Variants in PDE10A observed in about 807,000 individuals in gnomAD.
PDE10A encodes cAMP and cAMP-inhibited cGMP 3',5'-cyclic phosphodiesterase 10A.
Under a neutral mutation model 97.7 loss-of-function variants are expected in PDE10A, and 39 were observed. That is an observed-to-expected ratio of 0.40 (90% CI 0.31 to 0.52). The LOEUF is 0.52. Ranked by LOEUF, PDE10A falls within the 20% of genes least tolerant of loss-of-function variation. PDE10A has a pLI of 0.56. For synonymous variants in PDE10A, 371 were observed against 376.8 expected (o/e 0.98, Z 0.18); for missense variants, 731 against 1,047.8 (o/e 0.70, Z 4.17).
intron 1 of PDE10A, among the ~76,000 whole-genome samples, chr6:165,805,337 C>T (rs868578403): frequency 6.6e-6 from 1 of 152,094 alleles, no homozygotes; most frequent in African/African-American, 2.4e-5. Flanking sequence ...AGATCCGGGG[C>T]GTCACTTCTC....
At chr6:165,898,835 C>A (rs903313651) in intron 1 of PDE10A, among the ~76,000 whole-genome samples, 9 of 152,192 alleles carry the variant, frequency 5.9e-5, no homozygotes, top group African/African-American at 1.9e-4. Flanking sequence ...GCACTGCCTT[C>A]CTCACTCGGC....
At chr6:165,440,663 T>C (rs1341937063) in intron 5 of PDE10A, among the ~76,000 whole-genome samples, 1 of 152,134 alleles carries the variant, frequency 6.6e-6, no homozygotes, top group East Asian at 1.9e-4. Context: ...TTTGGAAGTG[T>C]CTCTTTTAGC....
At chr6:165,767,701 A>AT (rs1196817930) in intron 1 of PDE10A, among the ~76,000 whole-genome samples, 1 of 152,042 alleles carries the variant, frequency 6.6e-6, no homozygotes. Flanking sequence ...AGACATTTGG[A>AT]TTTTTTTCCA....
intron 1 of PDE10A, among the ~76,000 whole-genome samples, chr6:165,974,815 T>C (rs1784800945): frequency 6.6e-6 from 1 of 152,202 alleles, no homozygotes; most frequent in Non-Finnish European, 1.5e-5. Flanking sequence ...GTGCCACCTT[T>C]ACTCAGTGAG....
At chr6:165,673,380 GC>G (rs1174626214) in intron 1 of PDE10A, among the ~76,000 whole-genome samples, 1 of 152,204 alleles carries the variant, frequency 6.6e-6, no homozygotes, top group Non-Finnish European at 1.5e-5. Context: ...GAAAAGCATA[GC>G]CATGCAAGAT....
At chr6:165,850,249 C>G (rs1452464353) in intron 1 of PDE10A, among the ~76,000 whole-genome samples, 1 of 152,196 alleles carries the variant, frequency 6.6e-6, no homozygotes, top group East Asian at 1.9e-4. Flanking sequence ...TCAGCCCCCA[C>G]GTGCTCTTAA....
At chr6:165,635,601 T>C (rs772845956) in intron 1 of PDE10A, among the ~76,000 whole-genome samples, 60 of 152,174 alleles carry the variant, frequency 3.9e-4, no homozygotes, top group Non-Finnish European at 6.9e-4. Flanking sequence ...TCCAAAGAGA[T>C]TTGTGGCAAA....
intron 1 of PDE10A, among the ~76,000 whole-genome samples, chr6:165,794,210 T>G (rs991502261): frequency 1.5e-5 from 2 of 135,810 alleles, no homozygotes; most frequent in Non-Finnish European, 3.2e-5. Flanking sequence ...TCACACACAC[T>G]CATCACACAA....
chr6:165,752,192 C>T (rs1793021709), intron 1 of PDE10A, among the ~76,000 whole-genome samples: 1 of 150,370 alleles, frequency 6.7e-6, no homozygotes, highest in African/African-American at 2.4e-5. Context: ...TGCCTACAGC[C>T]TATACACTGC....
intron 1 of PDE10A, among the ~76,000 whole-genome samples, chr6:165,616,505 T>G (rs909167173): frequency 9.2e-5 from 14 of 152,170 alleles, no homozygotes; most frequent in Non-Finnish European, 2.9e-5. Flanking sequence ...GGAAGGGTGA[T>G]CTTTTGTGGA....
chr6:165,902,189 TG>T (rs1249477038), intron 1 of PDE10A, among the ~76,000 whole-genome samples: 61 of 152,370 alleles, frequency 4.0e-4, no homozygotes, highest in Middle Eastern at 3.4e-3. Flanking sequence ...TCGGAATCTT[TG>T]TTCAGAAAAG....
intron 1 of PDE10A, among the ~76,000 whole-genome samples, chr6:165,796,251 A>G (rs972648410): frequency 1.2e-3 from 184 of 151,070 alleles, no homozygotes; most frequent in African/African-American, 4.1e-3. Context: ...GCCCGCCACC[A>G]CGCCCAGCTA....
intron 1 of PDE10A, among the ~76,000 whole-genome samples, chr6:165,575,336 T>TTACTA (rs1350737721): frequency 6.6e-6 from 1 of 152,168 alleles, no homozygotes; most frequent in Non-Finnish European, 1.5e-5. Flanking sequence ...GACTGTTCCA[T>TTACTA]TACTACTAAG....
chr6:165,476,862 T>C (rs73247716), intron 3 of PDE10A, among the ~76,000 whole-genome samples: 1,856 of 152,256 alleles, frequency 0.012, 37 homozygotes, highest in African/African-American at 0.042. Flanking sequence ...GTAAAGTCTA[T>C]ACCCACAAAT....
intron 1 of PDE10A, among the ~76,000 whole-genome samples, chr6:165,981,283 G>A (rs1437055845): frequency 6.6e-6 from 1 of 152,068 alleles, no homozygotes; most frequent in African/African-American, 2.4e-5. Flanking sequence ...CAGTTTTTAG[G>A]TAACTTCCTC....
chr6:165,851,087 C>G (rs1235944868), intron 1 of PDE10A, among the ~76,000 whole-genome samples: 2 of 152,194 alleles, frequency 1.3e-5, no homozygotes, highest in African/African-American at 4.8e-5. Flanking sequence ...AGAAAACTTT[C>G]TGCTTACACG....
intron 1 of PDE10A, among the ~76,000 whole-genome samples, chr6:165,647,113 T>C (rs2983525): frequency 0.21 from 31,867 of 152,156 alleles, 3,749 homozygotes; most frequent in Middle Eastern, 0.39. Context: ...AAAAGAAAAC[T>C]GTGATGCATG....
chr6:165,520,016 T>G (rs755599184), intron 2 of PDE10A, among the ~76,000 whole-genome samples: 14 of 152,200 alleles, frequency 9.2e-5, no homozygotes, highest in Non-Finnish European at 1.8e-4. Flanking sequence ...TTCACTTTGC[T>G]TTTATTTCTC....
chr6:165,710,219 T>G (rs1259317174), intron 1 of PDE10A, among the ~76,000 whole-genome samples: 1 of 152,208 alleles, frequency 6.6e-6, no homozygotes, highest in Non-Finnish European at 1.5e-5. Context: ...GTTTGCTTCC[T>G]GAGTGCTTCT....
Sources: gnomAD v4.1 joint callset for allele counts (sites outside exome capture counted in the v4.1 genomes callset) on GRCh38, gnomAD v4.1.1 for gene constraint, MANE v1.5 for transcripts, NCBI Gene and HGNC (gene_info 2026-07-23, HGNC 2026-07-21) for gene names.